Variants in TCIRG1 observed in about 807,000 individuals in gnomAD.
The protein encoded by TCIRG1 is V-type proton ATPase 116 kDa subunit a 3.
A neutral mutation model predicts 95.5 loss-of-function variants in TCIRG1; 86 were observed. That is an observed-to-expected ratio of 0.90 (90% CI 0.76 to 1.08). TCIRG1 has a LOEUF of 1.08. Among genes scored for constraint, TCIRG1 ranks in the 50% least tolerant of loss-of-function variants. The pLI is 0.00. For synonymous variants in TCIRG1, 499 were observed against 501.3 expected (o/e 1.00, Z 0.06); for missense variants, 1,069 against 1,140.2 (o/e 0.94, Z 0.90).
downstream of TCIRG1, chr11:68,050,933 G>C (rs75773898): frequency 3.8e-3 from 4,588 of 1,222,670 alleles, 74 homozygotes; most frequent in African/African-American, 0.045. Context: ...TTTAGCTGAG[G>C]CAGGTGGCAG....
chr11:68,046,220 G>A (rs1855477345), intron 10 of TCIRG1, among the ~76,000 whole-genome samples: 1 of 152,198 alleles, frequency 6.6e-6, no homozygotes, highest in South Asian at 2.1e-4. Context: ...CAAGGTGTCA[G>A]CAGGGGCCGG....
At chr11:68,049,861 C>G (rs1382210739) in intron 16 of TCIRG1, 73 bp downstream of exon 16, 12 of 1,553,914 alleles carry the variant, frequency 7.7e-6, no homozygotes, top group Non-Finnish European at 1.0e-5. Context: ...CCTGACTCCT[C>G]GCTTCCTGAC....
intron 3 of TCIRG1, among the ~76,000 whole-genome samples, 189 bp downstream of exon 3, chr11:68,042,020 G>T (rs1855192860): frequency 6.6e-6 from 1 of 152,236 alleles, no homozygotes; most frequent in South Asian, 2.1e-4. Flanking sequence ...GCTGCCTTGT[G>T]TGGGCTGAGC....
In TCIRG1 at chr11:68,047,963, C is replaced by A. The variant is rs2134456293; in HGVS notation, c.1545C>A (p.Gly515=). Residue 515 remains glycine, a synonymous_variant, in exon 13 of 20, where the codon GGC becomes GGA. Transcript: ENST00000265686. ...TCTTCCTGGGACCCTACCCCTTTGGCATCGATCCTGTGAGTCCTGGGATGG... is the reference window on the plus strand; with the variant it reads ...TCTTCCTGGGACCCTACCCCTTTGGAATCGATCCTGTGAGTCCTGGGATGG... The part of the protein sequence containing the change: ...TGVFLGPYPF[G]IDPIWSLAAN... 6.2e-7 allele frequency: 1 copy of A among 1,613,726 alleles called. No homozygotes were observed.
intron 9 of TCIRG1, 154 bp from the exon 10 acceptor site, chr11:68,044,804 G>C: frequency 1.0e-6 from 1 of 961,656 alleles, no homozygotes; most frequent in Non-Finnish European, 1.6e-6. Flanking sequence ...CACCAGGGCA[G>C]AGCAGGGCTG....
chr11:68,041,302 G>A lies in TCIRG1; in HGVS notation c.31G>A (p.Ala11Thr), dbSNP rs759582690. 5.6e-6 allele frequency: 9 copies of A among 1,612,982 alleles called. No homozygotes were observed. The highest frequency in any genetic ancestry group is 7.6e-6 in the Non-Finnish European group (9 of 1,179,932). Reference protein sequence around the residue: MGSMFRSEEVALVQLFLPTAA... With the variant: MGSMFRSEEVTLVQLFLPTAA... ...CTCCATGTTCCGGAGCGAGGAGGTG[G>A]CCCTGGTCCAGCTCTTTCTGCCCAC... The change falls in exon 2 of 20, where the codon GCC becomes ACC. Residue 11 changes from alanine (A) to threonine (T), a missense_variant. Physicochemically the swap from Ala to Thr is moderately conservative, Grantham distance 58. Transcript: ENST00000265686.
downstream of TCIRG1, among the ~76,000 whole-genome samples, chr11:68,051,113 A>C (rs1855782691): frequency 1.3e-5 from 2 of 152,222 alleles, no homozygotes. Flanking sequence ...AGGCCGGGTC[A>C]GGGGAGTGAG....
rs3808974 is a variant in TCIRG1, at chr11:68,042,874, A to G, written c.417+11A>G. 417,941 of 1,549,548 alleles carry G rather than the reference A, an allele frequency of 0.27. 58,696 individuals carry two copies. Among genetic ancestry groups the G allele is most frequent in the African/African-American group, 0.48 (35,046 of 73,058 alleles). On this transcript the variant is annotated intron_variant, in intron 4 of 19. Coordinates refer to ENST00000265686, the MANE Select transcript of TCIRG1 (RefSeq NM_006019.4). ...GGCCATGAACCTCAGGTCAGCTCCC[A>G]CCCAGGCAGGAGACTGGGGGGCTGG...
chr11:68,048,215 G>A (rs1565161494), intron 13 of TCIRG1: 12 of 605,408 alleles, frequency 2.0e-5, no homozygotes, highest in Admixed American at 5.1e-5. Context: ...GAGGCAAAGC[G>A]AGACTGGACA....
rs957040011 is a variant in TCIRG1 at position 68,049,161 on chromosome 11, T to C, written c.1754T>C (p.Val585Ala). The part of the protein sequence containing the change: ...TFLLGLFGYL[V>A]FLVIYKWLCV... ...CTGCTGGGACTCTTCGGTTACCTCG[T>C]GTTCCTAGTCATCTACAAGTGGCTG... The change falls in exon 15 of 20, where the codon GTG becomes GCG. Residue 585 changes from valine (V) to alanine (A), a missense_variant. Val to Ala is a moderately conservative substitution (Grantham distance 64). Transcript: ENST00000265686. 5.6e-6 allele frequency: 9 copies of C among 1,613,990 alleles called. No homozygotes were observed. Among genetic ancestry groups the C allele is most frequent in the Non-Finnish European group, 7.6e-6 (9 of 1,180,008 alleles).
intron 9 of TCIRG1, 125 bp downstream of exon 9, chr11:68,044,469 A>G (rs971970083): frequency 2.6e-6 from 2 of 782,338 alleles, no homozygotes; most frequent in South Asian, 1.6e-5. Flanking sequence ...TTCTCCTCCC[A>G]GCCTCCTCCA....
At chr11:68,045,231 C>CCAT (rs1173479385) in intron 10 of TCIRG1, 129 bp downstream of exon 10, 1 of 1,173,570 alleles carries the variant, frequency 8.5e-7, no homozygotes, top group African/African-American at 1.5e-5. Flanking sequence ...GGCACACATC[C>CCAT]CATCACTCTC....
In TCIRG1 at chr11:68,048,969, G is replaced by C; in HGVS notation, c.1645G>C (p.Gly549Arg). Residue 549 changes from glycine (G) to arginine (R), a missense_variant, in exon 14 of 20, where the codon GGG becomes CGG. By Grantham distance (125) the Gly-to-Arg change is moderately radical. Coordinates refer to ENST00000265686, the MANE Select transcript of TCIRG1 (RefSeq NM_006019.4). ...CCTGGGCGTCGTGCACATGGCCTTT[G>C]GGGTGGTCCTCGGAGTCTTCAACCA... ...VILGVVHMAFGVVLGVFNHVH... is the reference protein window; with the variant it reads ...VILGVVHMAFRVVLGVFNHVH... 6.2e-7 allele frequency: 1 copy of C among 1,613,670 alleles called. No homozygotes were observed. Among genetic ancestry groups the C allele is most frequent in the Non-Finnish European group, 8.5e-7 (1 of 1,180,000 alleles).
intron 15 of TCIRG1, 24 bp downstream of exon 15, chr11:68,049,318 G>C (rs767395977): frequency 1.1e-5 from 18 of 1,594,378 alleles, no homozygotes; most frequent in Non-Finnish European, 1.2e-5. Flanking sequence ...GGTGGGGGCC[G>C]GGCTCACACG....
chr11:68,044,472 C>T (rs1175262340), intron 9 of TCIRG1, 128 bp downstream of exon 9: 10 of 772,700 alleles, frequency 1.3e-5, no homozygotes, highest in Admixed American at 2.1e-5. Context: ...TCCTCCCAGC[C>T]TCCTCCATGG....
intron 1 of TCIRG1, among the ~76,000 whole-genome samples, chr11:68,040,118 G>A (rs957333815): frequency 3.9e-5 from 6 of 152,326 alleles, no homozygotes; most frequent in Non-Finnish European, 8.8e-5. Context: ...AGGTCGTGTG[G>A]ATGAAGGGAT....
chr11:68,050,098 G>T, intron 17 of TCIRG1, 32 bp downstream of exon 17: 1 of 1,611,788 alleles, frequency 6.2e-7, no homozygotes. Context: ...GGGTGGGACG[G>T]CTGAGGCCCT....
chr11:68,048,495 T>C (rs766827833), intron 13 of TCIRG1, among the ~76,000 whole-genome samples: 1 of 152,178 alleles, frequency 6.6e-6, no homozygotes, highest in African/African-American at 2.4e-5. Flanking sequence ...GGTTTCACCA[T>C]GTTGGCTAGG....
chr11:68,042,983 C>G lies in TCIRG1; in HGVS notation c.455C>G (p.Thr152Arg), dbSNP rs760540347. The stretch of plus-strand genomic sequence containing the variant: ...CACACAGATGGGGCCTCAGAGAGGA[C>G]GCCCCTGCTCCAGGCCCCCGGGGGG... ...AAHTDGASER[T>R]PLLQAPGGPH... The change falls in exon 5 of 20, where the codon ACG (threonine) becomes AGG (arginine). Residue 152 changes from threonine to arginine, a missense_variant. By Grantham distance (71) the Thr-to-Arg change is moderately conservative. Coordinates refer to ENST00000265686, the MANE Select transcript of TCIRG1 (RefSeq NM_006019.4). 6.4e-7 allele frequency: 1 copy of G among 1,554,788 alleles called. No homozygotes were observed. The highest frequency in any genetic ancestry group is 8.7e-7 in the Non-Finnish European group (1 of 1,149,256).
Sources: gnomAD v4.1 joint callset for allele counts (sites outside exome capture counted in the v4.1 genomes callset) on GRCh38, gnomAD v4.1.1 for gene constraint, MANE v1.5 for transcripts, NCBI Gene and HGNC (gene_info 2026-07-23, HGNC 2026-07-21) for gene names.